Variants in RGS6 observed in about 807,000 individuals in gnomAD.
The protein encoded by RGS6 is regulator of G-protein signaling 6.
A neutral mutation model predicts 78.5 loss-of-function variants in RGS6; 30 were observed. The observed-to-expected ratio is 0.38, with a 90% CI of 0.29 to 0.52. RGS6 has a LOEUF of 0.52. Ranked by LOEUF, RGS6 falls within the 20% of genes least tolerant of loss-of-function variation. The pLI is 0.85. For synonymous variants in RGS6, 206 were observed against 206.0 expected (o/e 1.00, Z 0.00); for missense variants, 495 against 609.7 (o/e 0.81, Z 1.98).
At chr14:72,570,762 T>A (rs114585665), downstream of RGS6, among the ~76,000 whole-genome samples, 5,527 of 152,212 alleles carry the variant, frequency 0.036, 374 homozygotes, top group African/African-American at 0.13. Context: ...GACCCAGGGG[T>A]CCCCTCAGCG....
chr14:72,537,152 A>T (rs923854379), intron 16 of RGS6, among the ~76,000 whole-genome samples: 1 of 152,158 alleles, frequency 6.6e-6, no homozygotes, highest in South Asian at 2.1e-4. Context: ...GTGTGGCTCA[A>T]CTTGCACCAA....
intron 3 of RGS6, among the ~76,000 whole-genome samples, chr14:72,353,675 A>G (rs549927682): frequency 1.3e-5 from 2 of 152,202 alleles, no homozygotes; most frequent in East Asian, 1.9e-4. Flanking sequence ...ACATGACTCT[A>G]TACATAGGCC....
At chr14:72,010,524 G>GC (rs1039530962) in intron 2 of RGS6, among the ~76,000 whole-genome samples, 11 of 152,034 alleles carry the variant, frequency 7.2e-5, no homozygotes, top group African/African-American at 2.7e-4. Flanking sequence ...CACATAGACC[G>GC]CCCCCCACCC....
intron 2 of RGS6, among the ~76,000 whole-genome samples, chr14:72,011,390 C>T (rs2085676571): frequency 6.6e-6 from 1 of 152,156 alleles, no homozygotes; most frequent in South Asian, 2.1e-4. Flanking sequence ...CCTCCGATGA[C>T]TGTTTCCCGA....
At chr14:72,532,081 A>T (rs2097189209) in intron 15 of RGS6, among the ~76,000 whole-genome samples, 1 of 152,118 alleles carries the variant, frequency 6.6e-6, no homozygotes. Flanking sequence ...TGCCTTATAG[A>T]TTCTGTGTTT....
chr14:72,557,044 G>A (rs958482718), intron 17 of RGS6, among the ~76,000 whole-genome samples: 5 of 152,146 alleles, frequency 3.3e-5, no homozygotes, highest in African/African-American at 9.7e-5. Context: ...ACAGGCTCCC[G>A]CCCCTCCTCA....
chr14:72,536,618 G>A (rs1425829018), intron 16 of RGS6, among the ~76,000 whole-genome samples: 7 of 152,034 alleles, frequency 4.6e-5, no homozygotes, highest in Non-Finnish European at 8.8e-5. Context: ...AAACCCTTAG[G>A]ACACTGGAGA....
chr14:71,974,699 TATG>T (rs1488783621), intron 2 of RGS6, among the ~76,000 whole-genome samples: 2 of 152,218 alleles, frequency 1.3e-5, no homozygotes, highest in Non-Finnish European at 2.9e-5. Flanking sequence ...ATTTGTTAAA[TATG>T]ATGGTTATGT....
chr14:72,214,180 T>A (rs377480520), intron 2 of RGS6, among the ~76,000 whole-genome samples: 56 of 142,322 alleles, frequency 3.9e-4, no homozygotes, highest in South Asian at 8.4e-4. Flanking sequence ...TTTTCTTATT[T>A]TTTTTTTTTT....
At chr14:72,352,305 A>G in intron 3 of RGS6, 111 bp downstream of exon 3, 1 of 703,352 alleles carries the variant, frequency 1.4e-6, no homozygotes. Context: ...AAAATGAAAC[A>G]TTCAGTGTGT....
intron 2 of RGS6, among the ~76,000 whole-genome samples, chr14:71,995,594 G>T (rs539840126): frequency 9.9e-5 from 15 of 152,256 alleles, no homozygotes; most frequent in African/African-American, 3.4e-4. Context: ...GATAATAATG[G>T]TGCTCGCCTC....
At chr14:72,102,738 A>T (rs1421382739) in intron 2 of RGS6, among the ~76,000 whole-genome samples, 4 of 152,212 alleles carry the variant, frequency 2.6e-5, no homozygotes, top group Non-Finnish European at 5.9e-5. Context: ...AAGATTTTTG[A>T]TAAAGCAAAA....
In RGS6 at chr14:72,206,711, C is replaced by T. The variant is rs150225682; in HGVS notation, c.85-145384C>T. Among the ~76,000 whole-genome samples, 554 of 152,174 alleles carry T rather than the reference C, an allele frequency of 3.6e-3. 3 individuals are homozygous for T. The highest frequency in any genetic ancestry group is 0.011 in the African/African-American group (436 of 41,510). On this transcript the variant is annotated intron_variant, in intron 2 of 17. Coordinates refer to ENST00000553525, the MANE Select transcript of RGS6 (RefSeq NM_001204424.2). ...ACCATTAGATCTCATGAGACTCATT[C>T]GCTATCATGAGAACAATGCAGGAAA... is the stretch of plus-strand genomic sequence containing the variant.
At chr14:72,345,859 AAG>A (rs2077938700) in intron 2 of RGS6, among the ~76,000 whole-genome samples, 1 of 152,222 alleles carries the variant, frequency 6.6e-6, no homozygotes, top group Non-Finnish European at 1.5e-5. Flanking sequence ...AAAAATAAAA[AAG>A]AGAAATAGCC....
At chr14:72,603,099 C>T in the RGS6 span, among the ~76,000 whole-genome samples, 1 of 152,018 alleles carries the variant, frequency 6.6e-6, no homozygotes, top group East Asian at 1.9e-4. Flanking sequence ...GTATTTTTTT[C>T]AGGGCCCTTT....
intron 2 of RGS6, among the ~76,000 whole-genome samples, chr14:72,168,659 T>TA (rs2096964397): frequency 6.6e-6 from 1 of 152,238 alleles, no homozygotes; most frequent in Non-Finnish European, 1.5e-5. Context: ...CTAATATAGC[T>TA]ACTAACAAGT....
At chr14:71,995,092 AG>A (rs1325078074) in intron 2 of RGS6, among the ~76,000 whole-genome samples, 1 of 152,172 alleles carries the variant, frequency 6.6e-6, no homozygotes, top group Non-Finnish European at 1.5e-5. Context: ...GGGCATCTTC[AG>A]CACCAGCAAC....
At chr14:72,532,025 A>G (rs2097188364) in intron 15 of RGS6, among the ~76,000 whole-genome samples, 1 of 152,156 alleles carries the variant, frequency 6.6e-6, no homozygotes, top group Non-Finnish European at 1.5e-5. Context: ...ATTGTCTTAG[A>G]TTCCATATAC....
the RGS6 span, among the ~76,000 whole-genome samples, chr14:71,868,728 C>T: frequency 1.3e-5 from 2 of 152,178 alleles, no homozygotes; most frequent in Admixed American, 6.5e-5. Context: ...GACATTTTCT[C>T]AAGGACTCCA....
Sources: allele counts gnomAD v4.1 joint callset (sites outside exome capture counted in the v4.1 genomes callset), GRCh38; gene constraint gnomAD v4.1.1; transcripts MANE v1.5; gene names NCBI Gene and HGNC (gene_info 2026-07-23, HGNC 2026-07-21).